FAM169A: variants seen among roughly 807,000 people sequenced by gnomAD.
The protein encoded by FAM169A is soluble lamin-associated protein of 75 kDa.
In FAM169A, 24 loss-of-function variants were observed where a neutral mutation model predicts 75.7. The observed-to-expected ratio is 0.32, with a 90% CI of 0.23 to 0.45. The LOEUF (loss-of-function observed/expected upper bound fraction) is 0.45. FAM169A is among the 20% of genes least tolerant of loss of function. FAM169A has a pLI of 1.00. For synonymous variants in FAM169A, 271 were observed against 271.0 expected (o/e 1.00, Z 0.00); for missense variants, 673 against 784.0 (o/e 0.86, Z 1.69).
intron 11 of FAM169A, among the ~76,000 whole-genome samples, chr5:74,792,703 A>G (rs2112492813): frequency 6.6e-6 from 1 of 152,274 alleles, no homozygotes; most frequent in Non-Finnish European, 1.5e-5. Context: ...AATCAAAACC[A>G]CAATTTGATA....
At chr5:74,822,110 A>G (rs748124720) in intron 5 of FAM169A, among the ~76,000 whole-genome samples, 1 of 152,206 alleles carries the variant, frequency 6.6e-6, no homozygotes, top group Admixed American at 6.5e-5. Flanking sequence ...TCCTGGTTAA[A>G]GCAAGTTATA....
chr5:74,826,242 TCTC>T (rs1002097766), intron 5 of FAM169A, among the ~76,000 whole-genome samples: 2 of 152,226 alleles, frequency 1.3e-5, no homozygotes, highest in Admixed American at 1.3e-4. Flanking sequence ...TGCATTGTCT[TCTC>T]CTCCAAATCT....
chr5:74,864,957 G>A (rs1267790231), intron 1 of FAM169A, among the ~76,000 whole-genome samples: 1 of 151,814 alleles, frequency 6.6e-6, no homozygotes, highest in African/African-American at 2.4e-5. Flanking sequence ...CACGATAAGG[G>A]ACGTAGTTTG....
chr5:74,845,120 T>G (rs892837668), intron 1 of FAM169A, among the ~76,000 whole-genome samples: 2 of 152,192 alleles, frequency 1.3e-5, no homozygotes, highest in Admixed American at 6.5e-5. Context: ...ACATACGCTG[T>G]AACAGTTAAT....
At chr5:74,803,263 G>A (rs549564779) in intron 8 of FAM169A, among the ~76,000 whole-genome samples, 1 of 152,026 alleles carries the variant, frequency 6.6e-6, no homozygotes, top group Non-Finnish European at 1.5e-5. Context: ...TACTTTCCTT[G>A]ATTTTATAAC....
chr5:74,797,046 G>C (rs1384213235), intron 10 of FAM169A, among the ~76,000 whole-genome samples: 3 of 152,100 alleles, frequency 2.0e-5, no homozygotes, highest in African/African-American at 7.2e-5. Flanking sequence ...TCTTCATCAA[G>C]GCTTTCAAAG....
Position 74,799,849 on chromosome 5 carries a change from T to TA in FAM169A, c.1103+1030dup, listed in dbSNP as rs771731275. 2.5e-4 allele frequency: 252 copies of TA among 1,022,930 alleles called. 1 individual carries two copies. In the South Asian group the frequency reaches 3.1e-3, roughly 13 times the overall value. The allele number at this position is 1,022,930 out of a possible 1,614,324, so 63.4% of individuals were successfully genotyped here. On this transcript the variant is annotated intron_variant, in intron 10 of 12. Coordinates refer to ENST00000687041, the MANE Select transcript of FAM169A (RefSeq NM_001376049.1). Reference sequence around the variant, plus strand: ...GGCTGCCTGACCTTTGTCTCCAAGTTAGACATTCCAAAACAGAGCATCCAA... The same window carrying TA: ...GGCTGCCTGACCTTTGTCTCCAAGTTAAGACATTCCAAAACAGAGCATCCAA...
chr5:74,818,799 CTCTCTATA>C lies in FAM169A; in HGVS notation c.491-4788_491-4781del, dbSNP rs1250230838. Among the ~76,000 whole-genome samples, 1,214 of 125,922 alleles carry C rather than the reference CTCTCTATA, an allele frequency of 9.6e-3. 7 individuals are homozygous for C. The highest frequency in any genetic ancestry group is 0.026 in the South Asian group (103 of 4,020). 82.6% of individuals were successfully genotyped at this position (125,922 alleles called of 152,430 possible). A position where few individuals can be genotyped will look rare whatever the true frequency, so the allele number is the denominator to read the frequency against. ...TCTCTCTCTCTCTCTCTCTCTCTCT[CTCTCTATA>C]TATATATATATATATATGTCAAAGC... is the stretch of plus-strand genomic sequence containing the variant. On this transcript the variant is annotated intron_variant, in intron 5 of 12. Coordinates refer to ENST00000687041, the MANE Select transcript of FAM169A (RefSeq NM_001376049.1).
intron 1 of FAM169A, among the ~76,000 whole-genome samples, chr5:74,842,100 C>A (rs1748897740): frequency 6.6e-6 from 1 of 150,974 alleles, no homozygotes; most frequent in African/African-American, 2.4e-5. Flanking sequence ...AGCTGCACAA[C>A]CCTATAAATT....
At chr5:74,844,169 T>A (rs1042424129) in intron 1 of FAM169A, among the ~76,000 whole-genome samples, 1 of 152,218 alleles carries the variant, frequency 6.6e-6, no homozygotes, top group African/African-American at 2.4e-5. Flanking sequence ...AAAATTTCCA[T>A]GACAAGGCCG....
Position 74,781,192 on chromosome 5 carries a change from A to T in FAM169A, c.*268T>A. The T allele has an allele frequency of 2.6e-6, 1 of 380,062 alleles. No individual in the cohort carries two copies. The highest frequency in any genetic ancestry group is 4.7e-6 in the Non-Finnish European group (1 of 212,498). The allele number at this position is 380,062 out of a possible 1,614,324, so 23.5% of individuals were successfully genotyped here. A position where few individuals can be genotyped will look rare whatever the true frequency, so the allele number is the denominator to read the frequency against. ...ATAATGGTCAGATGTACCACCTGAT[A>T]AAGAAAATATAATATGATCTGGTTT... On this transcript the variant is annotated 3_prime_UTR_variant, in exon 13 of 13. Transcript: ENST00000687041.
chr5:74,781,925 T>G lies in FAM169A; in HGVS notation c.1548A>C (p.Leu516=). 1.9e-6 allele frequency: 3 copies of G among 1,613,984 alleles called. No homozygotes were observed. The highest frequency in any genetic ancestry group is 1.1e-5 in the South Asian group (1 of 91,080). Residue 516 remains leucine (L), a synonymous_variant, in exon 13 of 13, where the codon CTA becomes CTC. Coordinates refer to ENST00000687041, the MANE Select transcript of FAM169A (RefSeq NM_001376049.1). ...EKGHMEEKLS[L]LPRKKAHLGS... is the part of the protein sequence containing the mutation. The stretch of plus-strand genomic sequence containing the variant: ...CAAGATGTGCTTTCTTTCTTGGAAG[T>G]AGGGACAATTTCTCTTCCATGTGCC...
At chr5:74,808,949 C>G (rs1366919852) in intron 6 of FAM169A, among the ~76,000 whole-genome samples, 1 of 151,976 alleles carries the variant, frequency 6.6e-6, no homozygotes, top group Admixed American at 6.6e-5. Context: ...ATTTTTTTCC[C>G]TGTATATTTG....
rs1238835653 is a variant in FAM169A at position 74,866,313 on chromosome 5, C to A, written c.-152G>T. 2.0e-6 allele frequency: 2 copies of A among 984,308 alleles called. No individual in the cohort carries two copies. Among genetic ancestry groups the A allele is most frequent in the Non-Finnish European group, 1.2e-6 (1 of 829,566 alleles). 61.0% of individuals were successfully genotyped at this position (984,308 alleles called of 1,614,324 possible). ...TGCCAGGGCGAGTGCGGCTGCCTCC[C>A]GCTCGCCCCGGACGCCCGGCTCCTC... On this transcript the variant is annotated 5_prime_UTR_variant, in exon 1 of 13. Transcript: ENST00000687041.
Position 74,781,925 on chromosome 5 carries a change from T to C in FAM169A, c.1548A>G (p.Leu516=), listed in dbSNP as rs1355442958. The change falls in exon 13 of 13, where the codon CTA becomes CTG. Residue 516 remains leucine, a synonymous_variant. Coordinates refer to ENST00000687041, the MANE Select transcript of FAM169A (RefSeq NM_001376049.1). ...CAAGATGTGCTTTCTTTCTTGGAAG[T>C]AGGGACAATTTCTCTTCCATGTGCC... is the stretch of plus-strand genomic sequence containing the variant. ...EKGHMEEKLS[L]LPRKKAHLGS... is the part of the protein sequence containing the mutation. The C allele has an allele frequency of 1.2e-6, 2 of 1,613,984 alleles. No individual in the cohort carries two copies. Among genetic ancestry groups the C allele is most frequent in the Admixed American group, 1.7e-5 (1 of 60,014 alleles).
chr5:74,854,051 G>A (rs1018150890), intron 1 of FAM169A, among the ~76,000 whole-genome samples: 6 of 151,936 alleles, frequency 3.9e-5, no homozygotes, highest in Admixed American at 2.6e-4. Flanking sequence ...TGGGATACAT[G>A]AGATATTTCA....
intron 5 of FAM169A, among the ~76,000 whole-genome samples, chr5:74,829,395 G>T (rs1042440019): frequency 6.6e-6 from 1 of 152,154 alleles, no homozygotes; most frequent in African/African-American, 2.4e-5. Context: ...TCACCACGCA[G>T]GTCCAAGATA....
intron 4 of FAM169A, among the ~76,000 whole-genome samples, chr5:74,837,699 C>T (rs1748639619): frequency 6.6e-6 from 1 of 152,076 alleles, no homozygotes; most frequent in Non-Finnish European, 1.5e-5. Flanking sequence ...ACTGGTTCAA[C>T]TGCCCACAAA....
intron 11 of FAM169A, among the ~76,000 whole-genome samples, chr5:74,794,389 G>A (rs1349440478): frequency 4.3e-5 from 6 of 140,054 alleles, no homozygotes; most frequent in African/African-American, 1.1e-4. Flanking sequence ...GTGAGACTCC[G>A]TCTCAAAAAA....
Sources: allele counts gnomAD v4.1 joint callset (sites outside exome capture counted in the v4.1 genomes callset), GRCh38; gene constraint gnomAD v4.1.1; transcripts MANE v1.5; gene names NCBI Gene and HGNC (gene_info 2026-07-23, HGNC 2026-07-21).